Variants in ELFN1 observed in about 807,000 individuals in gnomAD.
ELFN1 encodes extracellular leucine rich repeat and fibronectin type III domain containing 1.
A neutral mutation model predicts 7.6 loss-of-function variants in ELFN1; 6 were observed. That is an observed-to-expected ratio of 0.79 (90% CI 0.43 to 1.56). The LOEUF is 1.56. Ranked by LOEUF, ELFN1 falls within the 40% of genes most tolerant of loss-of-function variation. ELFN1 has a pLI of 0.01. For missense variants in ELFN1, 1,169 were observed against 1,232.2 expected, an observed-to-expected ratio of 0.95 and a Z score of 0.77; for synonymous variants, 657 against 588.1, an observed-to-expected ratio of 1.12 and a Z score of -1.70.
rs143797236 is a variant in ELFN1 at position 1,699,738 on chromosome 7, C to T, written c.-455-9353C>T. 8.5e-3 allele frequency among the ~76,000 whole-genome samples: 1,296 copies of T among 152,284 alleles called. 9 individuals are homozygous for T. Among genetic ancestry groups the T allele is most frequent in the African/African-American group, 0.017 (693 of 41,572 alleles). On this transcript the variant is annotated intron_variant, in intron 2 of 3. Coordinates refer to ENST00000424383, the MANE Select transcript of ELFN1 (RefSeq NM_001128636.4). ...TTTTTTTTGGAGATGGAGTCTCACT[C>T]TGTTGACCAGGCTGGAGTGCAATGG...
At chr7:1,733,032 C>G (rs1780356398) in intron 3 of ELFN1, among the ~76,000 whole-genome samples, 1 of 152,168 alleles carries the variant, frequency 6.6e-6, no homozygotes. Context: ...TTCCGAGTAG[C>G]TGGGATTACA....
chr7:1,674,127 G>A (rs933541420), intron 1 of ELFN1, among the ~76,000 whole-genome samples: 1 of 151,858 alleles, frequency 6.6e-6, no homozygotes, highest in Non-Finnish European at 1.5e-5. Context: ...ACTGAGTCAG[G>A]CAGAGAGGAC....
chr7:1,668,943 C>T (rs1167757711), upstream of ELFN1, among the ~76,000 whole-genome samples: 1 of 152,216 alleles, frequency 6.6e-6, no homozygotes, highest in African/African-American at 2.4e-5. Context: ...CCTAGCACTC[C>T]CCTTCAAGGC....
rs528615438 is a variant in ELFN1, at chr7:1,721,516, C to T, written c.-294+12264C>T. Among the ~76,000 whole-genome samples, 184 of 152,348 alleles carry T rather than the reference C, an allele frequency of 1.2e-3. 1 individual carries two copies. The highest frequency in any genetic ancestry group is 4.1e-3 in the African/African-American group (172 of 41,584). On this transcript the variant is annotated intron_variant, in intron 3 of 3. Coordinates refer to ENST00000424383, the MANE Select transcript of ELFN1 (RefSeq NM_001128636.4). ...TCTGGCACATAGTAGGTGCTTTAAA[C>T]GCCTTGTCGGCTGGAAGAAGAACAG...
intron 3 of ELFN1, among the ~76,000 whole-genome samples, chr7:1,713,369 G>T (rs1455783914): frequency 1.3e-5 from 2 of 152,174 alleles, no homozygotes; most frequent in South Asian, 2.1e-4. Context: ...CAGCCGCTCC[G>T]CTGAGTCTTC....
At chr7:1,707,284 G>A (rs946917136) in intron 2 of ELFN1, among the ~76,000 whole-genome samples, 10 of 152,216 alleles carry the variant, frequency 6.6e-5, no homozygotes, top group East Asian at 3.8e-4. Flanking sequence ...GTCCTGGCCC[G>A]ACCCCTCCAC....
chr7:1,747,518 G>A lies in ELFN1; in HGVS notation c.*435G>A, dbSNP rs1033421340. 3.6e-5 allele frequency: 6 copies of A among 165,528 alleles called. No individual in the cohort carries two copies. Among genetic ancestry groups the A allele is most frequent in the East Asian group, 1.9e-4 (1 of 5,226 alleles). The allele number at this position is 165,528 out of a possible 1,614,324, so 10.3% of individuals were successfully genotyped here. A position where few individuals can be genotyped will look rare whatever the true frequency, so the allele number is the denominator to read the frequency against. The stretch of plus-strand genomic sequence containing the variant: ...TTTAAAAAGACATAAAATGCCATCC[G>A]TGGGGGGTGTGGCCGGCGTGGCCAC... On this transcript the variant is annotated 3_prime_UTR_variant, in exon 4 of 4. Transcript: ENST00000424383.
chr7:1,697,174 G>C (rs906230531), intron 2 of ELFN1, among the ~76,000 whole-genome samples: 2 of 152,220 alleles, frequency 1.3e-5, no homozygotes, highest in African/African-American at 4.8e-5. Flanking sequence ...CCCCAGGCAG[G>C]GCAGAGAGGA....
In ELFN1 at chr7:1,744,441, G is replaced by A. The variant is rs1363933757; in HGVS notation, c.-156G>A. ...TGAGGGAGGCGCCCTCCCTCCCCGC[G>A]CTTACGTCGCGCGGCCATGCGGTTT... On this transcript the variant is annotated 5_prime_UTR_variant, in exon 4 of 4. Coordinates refer to ENST00000424383, the MANE Select transcript of ELFN1 (RefSeq NM_001128636.4). 5.9e-6 allele frequency: 5 copies of A among 845,938 alleles called. No individual in the cohort carries two copies. The highest frequency in any genetic ancestry group is 8.6e-6 in the Non-Finnish European group (5 of 583,626). 52.4% of individuals were successfully genotyped at this position (845,938 alleles called of 1,614,324 possible).
intron 1 of ELFN1, 27 bp from the exon 2 acceptor site, chr7:1,688,031 A>ATTTTTTTTTTTTTTTTTTTT (rs35887249): frequency 7.7e-6 from 1 of 130,584 alleles, no homozygotes; most frequent in Non-Finnish European, 1.6e-5. Context: ...TGCCTGGCTA[A>ATTTTTTTTTTTTTTTTTTTT]TTTTTTTTTT....
At chr7:1,725,872 C>T (rs373587227) in intron 3 of ELFN1, among the ~76,000 whole-genome samples, 6 of 152,002 alleles carry the variant, frequency 3.9e-5, no homozygotes, top group South Asian at 2.1e-4. Context: ...AGTACACACT[C>T]GCACAAAAAT....
At chr7:1,713,229 C>G (rs1422337382) in intron 3 of ELFN1, among the ~76,000 whole-genome samples, 3 of 152,188 alleles carry the variant, frequency 2.0e-5, no homozygotes, top group African/African-American at 7.2e-5. Context: ...GCCTCAGAGC[C>G]CGGCAGGTGG....
chr7:1,734,295 C>T (rs1780387234), intron 3 of ELFN1, among the ~76,000 whole-genome samples: 1 of 152,176 alleles, frequency 6.6e-6, no homozygotes, highest in Admixed American at 6.5e-5. Flanking sequence ...TACCCGCACC[C>T]CACATCCCTG....
At chr7:1,682,514 C>T (rs1289457557) in intron 1 of ELFN1, among the ~76,000 whole-genome samples, 1 of 152,018 alleles carries the variant, frequency 6.6e-6, no homozygotes, top group African/African-American at 2.4e-5. Flanking sequence ...GATCACAGCT[C>T]ACTGAAGCCT....
chr7:1,670,306 G>A lies in ELFN1; in HGVS notation c.-597G>A, dbSNP rs1163210906. On this transcript the variant is annotated 5_prime_UTR_variant, in exon 1 of 4. Coordinates refer to ENST00000424383, the MANE Select transcript of ELFN1 (RefSeq NM_001128636.4). The surrounding 1 kb of genome is among the most constrained non-coding windows in gnomAD (Gnocchi z 6.4). ...CCGGGAGCGAAGTTAGAGCTTGAAG[G>A]ACGGCGGCGGCTGCGGGCGCAGCCC... 6.6e-6 allele frequency among the ~76,000 whole-genome samples: 1 copy of A among 152,014 alleles called. No individual in the cohort carries two copies. Among genetic ancestry groups the A allele is most frequent in the East Asian group, 2.0e-4 (1 of 5,114 alleles).
At chr7:1,700,686 T>C (rs1477871822) in intron 2 of ELFN1, among the ~76,000 whole-genome samples, 3 of 152,224 alleles carry the variant, frequency 2.0e-5, no homozygotes, top group African/African-American at 7.2e-5. Context: ...CGCCGGCTCT[T>C]TCCCAAAGCG....
At chr7:1,666,801 G>T (rs993071962), upstream of ELFN1, among the ~76,000 whole-genome samples, 1 of 151,818 alleles carries the variant, frequency 6.6e-6, no homozygotes, top group Non-Finnish European at 1.5e-5. This position sits in a 1 kb window ranked among gnomAD's most constrained non-coding sequence, Gnocchi z 7.9. Context: ...GCGTGGGGGG[G>T]CGCAGCGCCC....
At chr7:1,731,233 C>T (rs1011847265) in intron 3 of ELFN1, among the ~76,000 whole-genome samples, 2 of 152,128 alleles carry the variant, frequency 1.3e-5, no homozygotes, top group African/African-American at 4.8e-5. Context: ...AGAATTAATT[C>T]ACAGGTTTAC....
intron 3 of ELFN1, among the ~76,000 whole-genome samples, chr7:1,719,605 G>A (rs1387553889): frequency 6.6e-6 from 1 of 152,096 alleles, no homozygotes; most frequent in Non-Finnish European, 1.5e-5. Context: ...GAGTTTGGAT[G>A]GGGCCACAGA....
Sources: allele counts gnomAD v4.1 joint callset (sites outside exome capture counted in the v4.1 genomes callset), GRCh38; gene constraint gnomAD v4.1.1; non-coding constraint Gnocchi (gnomAD v3.1); transcripts MANE v1.5; gene names NCBI Gene and HGNC (gene_info 2026-07-23, HGNC 2026-07-21).